Variants in ARHGAP27 observed in about 807,000 individuals in gnomAD.
The protein encoded by ARHGAP27 is rho GTPase-activating protein 27.
Under a neutral mutation model 102.0 loss-of-function variants are expected in ARHGAP27, and 53 were observed. The observed-to-expected ratio is 0.52, with a 90% CI of 0.42 to 0.65. The LOEUF is 0.65. Ranked by LOEUF, ARHGAP27 falls within the 30% of genes least tolerant of loss-of-function variation. The pLI is 0.00. For missense variants in ARHGAP27, 1,117 were observed against 1,256.2 expected (o/e 0.89, Z 1.68); for synonymous variants, 525 against 542.8 (o/e 0.97, Z 0.46).
chr17:45,429,119 A>T (rs879294102), intron 4 of ARHGAP27, among the ~76,000 whole-genome samples: 1 of 152,248 alleles, frequency 6.6e-6, no homozygotes, highest in Non-Finnish European at 1.5e-5. Flanking sequence ...GAGACGGGCA[A>T]GTCGGTTGGG....
intron 4 of ARHGAP27, among the ~76,000 whole-genome samples, chr17:45,420,218 G>C (rs1333926572): frequency 1.2e-4 from 19 of 152,186 alleles, no homozygotes; most frequent in Admixed American, 1.2e-3. Context: ...ATTATTTGTA[G>C]TTGTAGGGAA....
chr17:45,398,275 C>CAAA (rs2045983090), intron 12 of ARHGAP27, among the ~76,000 whole-genome samples: 1 of 152,198 alleles, frequency 6.6e-6, no homozygotes, highest in Non-Finnish European at 1.5e-5. Context: ...TGAGGCTCAG[C>CAAA]AAGTTTTAGC....
chr17:45,422,250 C>A (rs572347735), intron 4 of ARHGAP27, among the ~76,000 whole-genome samples: 10 of 141,942 alleles, frequency 7.0e-5, no homozygotes, highest in Non-Finnish European at 9.3e-5. Flanking sequence ...CAAAAAATAC[C>A]AAAAAAAAAA....
In ARHGAP27 at chr17:45,395,414, T is replaced by G; in HGVS notation, c.*42A>C. On this transcript the variant is annotated 3_prime_UTR_variant, in exon 20 of 20. Transcript: ENST00000685559. ...TGCGTGGCCTCCGCCGCCCAGCTTG[T>G]GTGGCAGGACCGCGGCCGCCGCCCC... is the stretch of plus-strand genomic sequence containing the variant. 2 of 1,527,040 alleles carry G rather than the reference T, an allele frequency of 1.3e-6. No homozygotes were observed. The highest frequency in any genetic ancestry group is 1.8e-6 in the Non-Finnish European group (2 of 1,132,816). The allele number at this position is 1,527,040 out of a possible 1,614,324, so 94.6% of individuals were successfully genotyped here. A position where few individuals can be genotyped will look rare whatever the true frequency, so the allele number is the denominator to read the frequency against.
In ARHGAP27 at chr17:45,404,078, C is replaced by T. The variant is rs1480021763; in HGVS notation, c.1498G>A (p.Ala500Thr). Reference protein sequence around the residue: ...AAVRTKTLDKAGVLHRTKTAD... With the variant: ...AAVRTKTLDKTGVLHRTKTAD... The stretch of plus-strand genomic sequence containing the variant: ...GTCTTGGTGCGATGGAGCACCCCTG[C>T]CTTGTCCAAGGTCTTGGTCTAAGAG... Residue 500 changes from alanine to threonine, a missense_variant, in exon 10 of 20, where the codon GCA (alanine) becomes ACA (threonine). Transcript: ENST00000685559. 2 of 1,614,154 alleles carry T rather than the reference C, an allele frequency of 1.2e-6. No homozygotes were observed. Among genetic ancestry groups the T allele is most frequent in the Admixed American group, 3.3e-5 (2 of 60,026 alleles).
At chr17:45,397,498 A>T (rs1270632761) in intron 13 of ARHGAP27, 2 of 228,418 alleles carry the variant, frequency 8.8e-6, no homozygotes, top group African/African-American at 4.6e-5. Flanking sequence ...TAGGGAATTA[A>T]GGGTCAAAAA....
intron 11 of ARHGAP27, 119 bp downstream of exon 11, chr17:45,403,500 G>C: frequency 1.2e-6 from 1 of 830,472 alleles, no homozygotes; most frequent in Non-Finnish European, 1.9e-6. Flanking sequence ...GCAGTGAGCC[G>C]AGATTACACC....
Position 45,430,023 on chromosome 17 carries a change from G to A in ARHGAP27, c.257C>T (p.Ala86Val), listed in dbSNP as rs1173602347. Residue 86 changes from alanine (A) to valine (V), a missense_variant, in exon 4 of 20, where the codon GCG (alanine) becomes GTG (valine). Physicochemically the swap from Ala to Val is moderately conservative, Grantham distance 64. Around this residue, in one of 3 missense-constraint regions of ARHGAP27, gnomAD observed 610 missense variants for 716.4 expected, o/e 0.85. Transcript: ENST00000685559. The surrounding 1 kb of genome is among the most constrained non-coding windows in gnomAD (Gnocchi z 4.4). ...GTCGTAGGCGAGCGGCTCAGGGGCC[G>A]CGGGGCTCGGGTGGGGACCTGGCGG... ...AAPPGPHPSP[A>V]APEPLAYDYR... 8.2e-7 allele frequency: 1 copy of A among 1,217,456 alleles called. No homozygotes were observed. The highest frequency in any genetic ancestry group is 1.0e-6 in the Non-Finnish European group (1 of 979,010). 75.4% of individuals were successfully genotyped at this position (1,217,456 alleles called of 1,614,324 possible). A position where few individuals can be genotyped will look rare whatever the true frequency, so the allele number is the denominator to read the frequency against.
chr17:45,403,660 T>A lies in ARHGAP27; in HGVS notation c.1597A>T (p.Thr533Ser). ...SWTVLEGGVLTFFKDSKTSAA... is the reference protein window; with the variant it reads ...SWTVLEGGVLSFFKDSKTSAA... The stretch of plus-strand genomic sequence containing the variant: ...GAGGTCTTTGAGTCCTTGAAGAATG[T>A]CAGGACGCCACCCTCCAGCACAGTC... The change falls in exon 11 of 20, where the codon ACA becomes TCA. Residue 533 changes from threonine to serine, a missense_variant. Thr to Ser is a moderately conservative substitution (Grantham distance 58). This residue lies in a region of ARHGAP27 where 493 missense variants were observed against 505.5 expected (regional missense o/e 0.98). Transcript: ENST00000685559. 6.2e-7 allele frequency: 1 copy of A among 1,614,014 alleles called. No individual in the cohort carries two copies. The highest frequency in any genetic ancestry group is 1.3e-5 in the African/African-American group (1 of 75,036).
At position 45,396,946 on chromosome 17, in the gene ARHGAP27, C is replaced by G; in HGVS notation, c.1921G>C (p.Glu641Gln). The G allele has an allele frequency of 6.2e-7, 1 of 1,606,252 alleles. No homozygotes were observed. The highest frequency in any genetic ancestry group is 8.5e-7 in the Non-Finnish European group (1 of 1,179,964). ...TTCGGTCGCGCGTCCTCCTCTTTCT[C>G]CTGCCAGCTTCCCAAGCGCTCGCTC... ...GSSERLGSWQEKEEDARPNAA... is the reference protein window; with the variant it reads ...GSSERLGSWQQKEEDARPNAA... Residue 641 changes from glutamate (E) to glutamine (Q), a missense_variant, in exon 14 of 20, where the codon GAG becomes CAG. Transcript: ENST00000685559.
chr17:45,432,097 G>A, intron 2 of ARHGAP27, 119 bp downstream of exon 2: 1 of 252,546 alleles, frequency 4.0e-6, no homozygotes, highest in Non-Finnish European at 7.9e-6. Flanking sequence ...GGCTGGGGCT[G>A]GTTGTCTCGT....
rs371727571 is a variant in ARHGAP27 at position 45,418,660 on chromosome 17, C to G, written c.657+10963G>C. Among the ~76,000 whole-genome samples the G allele has an allele frequency of 2.5e-3, 375 of 152,194 alleles. 1 individual carries two copies. The highest frequency in any genetic ancestry group is 8.4e-3 in the African/African-American group (349 of 41,526). On this transcript the variant is annotated intron_variant, in intron 4 of 19. Coordinates refer to ENST00000685559, the MANE Select transcript of ARHGAP27 (RefSeq NM_001282290.2). ...CCCCTCTGCTGCCAACTGCGACCTG[C>G]TACTGCCTGAGTCAAGCAGAGGCTG...
At chr17:45,403,924 G>A (rs375215122) in intron 10 of ARHGAP27, 105 bp downstream of exon 10, 50 of 1,314,772 alleles carry the variant, frequency 3.8e-5, no homozygotes, top group Middle Eastern at 2.5e-4. Context: ...GACCACTCAC[G>A]AAGTTGTTGT....
chr17:45,424,100 C>T (rs940825131), intron 4 of ARHGAP27, among the ~76,000 whole-genome samples: 7 of 152,270 alleles, frequency 4.6e-5, no homozygotes, highest in Admixed American at 1.3e-4. Context: ...GGGGCCCCTG[C>T]CCCCCTCCTT....
Position 45,395,333 on chromosome 17 carries a change from C to T in ARHGAP27, c.*123G>A, listed in dbSNP as rs2045461071. 1 of 1,287,822 alleles carries T rather than the reference C, an allele frequency of 7.8e-7. No homozygotes were observed. The highest frequency in any genetic ancestry group is 1.5e-5 in the South Asian group (1 of 65,228). 79.8% of individuals were successfully genotyped at this position (1,287,822 alleles called of 1,614,324 possible). On this transcript the variant is annotated 3_prime_UTR_variant, in exon 20 of 20. Coordinates refer to ENST00000685559, the MANE Select transcript of ARHGAP27 (RefSeq NM_001282290.2). Reference sequence around the variant, plus strand: ...CCCTCAGAACCGAGGGTGCAGAAGTCACACCGGCCTGCGGCTATGCGCTGG... The same window carrying T: ...CCCTCAGAACCGAGGGTGCAGAAGTTACACCGGCCTGCGGCTATGCGCTGG...
chr17:45,413,812 T>G (rs1247424866), intron 4 of ARHGAP27, among the ~76,000 whole-genome samples: 1 of 152,062 alleles, frequency 6.6e-6, no homozygotes, highest in Non-Finnish European at 1.5e-5. Flanking sequence ...GGATCAGAAA[T>G]GGTCCATGAG....
At chr17:45,404,577 A>AC in intron 7 of ARHGAP27, 24 bp downstream of exon 7, 7 of 1,612,132 alleles carry the variant, frequency 4.3e-6, no homozygotes, top group East Asian at 2.2e-5. Context: ...TCTCCCCAAC[A>AC]CCCCCCTTTC....
Position 45,429,629 on chromosome 17 carries a change from T to G in ARHGAP27, c.651A>C (p.Ala217=). The G allele has an allele frequency of 6.3e-7, 1 of 1,581,970 alleles. No homozygotes were observed. ...CCAGCGCCCGGGGAGGTACCTGCTC[T>G]GCGCTCTCCTCCGGCGGCGGGACGT... ...DLHVPPPEES[A]EQVDDPPEPV... The change falls in exon 4 of 20, where the codon GCA becomes GCC. Residue 217 remains alanine, a synonymous_variant. Coordinates refer to ENST00000685559, the MANE Select transcript of ARHGAP27 (RefSeq NM_001282290.2).
At position 45,403,862 on chromosome 17, in the gene ARHGAP27, G is replaced by A. The variant is rs748715996; in HGVS notation, c.1548-153C>T. The A allele has an allele frequency of 1.3e-4, 129 of 979,402 alleles. 1 individual carries two copies. The highest frequency in any genetic ancestry group is 8.2e-5 in the Non-Finnish European group (53 of 648,232). The allele number at this position is 979,402 out of a possible 1,614,324, so 60.7% of individuals were successfully genotyped here. A position where few individuals can be genotyped will look rare whatever the true frequency, so the allele number is the denominator to read the frequency against. On this transcript the variant is annotated intron_variant, in intron 10 of 19. Coordinates refer to ENST00000685559, the MANE Select transcript of ARHGAP27 (RefSeq NM_001282290.2). ...ATCCCGACTCTAACACCTAGCAGCCGAGGGACCTTGAGCAAGTCACTTTAT... is the reference window on the plus strand; with the variant it reads ...ATCCCGACTCTAACACCTAGCAGCCAAGGGACCTTGAGCAAGTCACTTTAT...
Sources: allele counts gnomAD v4.1 joint callset (sites outside exome capture counted in the v4.1 genomes callset), GRCh38; gene constraint gnomAD v4.1.1; regional missense constraint gnomAD v4.1.1; non-coding constraint Gnocchi (gnomAD v3.1); transcripts MANE v1.5; gene names NCBI Gene and HGNC (gene_info 2026-07-23, HGNC 2026-07-21).